Variants in UTP25 observed in about 807,000 individuals in gnomAD.
UTP25 encodes the protein U3 small nucleolar RNA-associated protein 25 homolog.
UTP25 carries 50 observed loss-of-function variants against 78.9 expected under a neutral mutation model. That is an observed-to-expected ratio of 0.63 (90% confidence interval 0.50 to 0.80). The LOEUF (loss-of-function observed/expected upper bound fraction) is 0.80. UTP25 is among the 30% of genes least tolerant of loss of function. UTP25 has a pLI of 0.00. For missense variants in UTP25, 846 were observed against 911.3 expected, an observed-to-expected ratio of 0.93 and a Z score of 0.92; for synonymous variants, 329 against 336.5, an observed-to-expected ratio of 0.98 and a Z score of 0.24.
Position 209,830,683 on chromosome 1 carries a change from A to G in UTP25, c.148-120A>G, listed in dbSNP as rs2078098225. 2.1e-6 allele frequency: 3 copies of G among 1,440,498 alleles called. No homozygotes were observed. In the South Asian group the frequency reaches 4.5e-5, roughly 22 times the overall value. 89.2% of individuals were successfully genotyped at this position (1,440,498 alleles called of 1,614,324 possible). ...GAGCTTCTAGAATCATAGCTAGATT[A>G]GCAATTTTAAGTAAATTTGAATTTG... On this transcript the variant is annotated intron_variant, in intron 2 of 11. Transcript: ENST00000491415.
chr1:209,843,557 T>C lies in UTP25; in HGVS notation c.1888T>C (p.Tyr630His), dbSNP rs957877673. 1.1e-5 allele frequency: 17 copies of C among 1,614,086 alleles called. No individual in the cohort carries two copies. The highest frequency in any genetic ancestry group is 1.4e-5 in the Non-Finnish European group (17 of 1,180,040). Residue 630 changes from tyrosine (Y) to histidine (H), a missense_variant, in exon 11 of 12, where the codon TAC becomes CAC. Tyr to His is a moderately conservative substitution (Grantham distance 83). Transcript: ENST00000491415. ...SYFDFVRLRN[Y>H]FKKEELNFTH... ...CTTTGACTTCGTGCGTCTTCGAAATTACTTCAAGAAGGAGGAATTGAATTT... is the reference window on the plus strand; with the variant it reads ...CTTTGACTTCGTGCGTCTTCGAAATCACTTCAAGAAGGAGGAATTGAATTT...
intron 11 of UTP25, among the ~76,000 whole-genome samples, chr1:209,849,836 C>G (rs1299339196): frequency 6.6e-6 from 1 of 152,224 alleles, no homozygotes; most frequent in Non-Finnish European, 1.5e-5. Context: ...CTCCTGTGCT[C>G]TGCCTAAGGT....
rs560508845 is a variant in UTP25 at position 209,851,328 on chromosome 1, A to G, written c.2152A>G (p.Thr718Ala). Residue 718 changes from threonine to alanine, a missense_variant, in exon 12 of 12, where the codon ACT (threonine) becomes GCT (alanine). Thr to Ala is a moderately conservative substitution (Grantham distance 58, BLOSUM62 0). Transcript: ENST00000491415. ...NRGEEATWTC[T>A]VLYSKYDAQR... is the part of the protein sequence containing the mutation. ...AGGAGAAGAGGCCACGTGGACCTGCACTGTTCTCTACTCCAAATATGATGC... is the reference window on the plus strand; with the variant it reads ...AGGAGAAGAGGCCACGTGGACCTGCGCTGTTCTCTACTCCAAATATGATGC... The G allele has an allele frequency of 6.2e-7, 1 of 1,614,188 alleles. No individual in the cohort carries two copies. The highest frequency in any genetic ancestry group is 8.5e-7 in the Non-Finnish European group (1 of 1,180,028).
Position 209,852,222 on chromosome 1 carries a change from T to C in UTP25, c.*775T>C, listed in dbSNP as rs2078245140. 1 of 152,204 alleles carries C rather than the reference T, an allele frequency of 6.6e-6. No individual in the cohort carries two copies. Among genetic ancestry groups the C allele is most frequent in the African/African-American group, 2.4e-5 (1 of 41,444 alleles). The allele number at this position is 152,204 out of a possible 1,614,324, so 9.4% of individuals were successfully genotyped here. A position where few individuals can be genotyped will look rare whatever the true frequency, so the allele number is the denominator to read the frequency against. Reference sequence around the variant, plus strand: ...AAGGAAATTACACTTTTAAAAACATTTTTATTTTGAAACATTCTCAAACAG... The same window carrying C: ...AAGGAAATTACACTTTTAAAAACATCTTTATTTTGAAACATTCTCAAACAG... On this transcript the variant is annotated 3_prime_UTR_variant, in exon 12 of 12. Transcript: ENST00000491415.
At position 209,851,565 on chromosome 1, in the gene UTP25, C is replaced by T. The variant is rs747969786; in HGVS notation, c.*118C>T. ...ACTGATACAAAGAAAGTGCATGAGG[C>T]AATGTCAGTATTATCTGACATCTTT... On this transcript the variant is annotated 3_prime_UTR_variant, in exon 12 of 12. Coordinates refer to ENST00000491415, the MANE Select transcript of UTP25 (RefSeq NM_014388.7). 1.2e-4 allele frequency: 156 copies of T among 1,304,518 alleles called. No homozygotes were observed. The highest frequency in any genetic ancestry group is 1.6e-4 in the Non-Finnish European group (153 of 962,742). The allele number at this position is 1,304,518 out of a possible 1,614,324, so 80.8% of individuals were successfully genotyped here.
At position 209,854,741 on chromosome 1, in the gene UTP25, G is replaced by A. The variant is rs562453383; in HGVS notation, c.*3294G>A. ...CAAGAGTTGGAAGTTCTTTATAGTT[G>A]TCTGAAGAGCCTCATTGTCCAACTG... is the stretch of plus-strand genomic sequence containing the variant. On this transcript the variant is annotated 3_prime_UTR_variant, in exon 12 of 12. Coordinates refer to ENST00000491415, the MANE Select transcript of UTP25 (RefSeq NM_014388.7). The A allele has an allele frequency of 1.6e-4, 24 of 152,478 alleles. No individual in the cohort carries two copies. The highest frequency in any genetic ancestry group is 5.8e-4 in the African/African-American group (24 of 41,578). The allele number at this position is 152,478 out of a possible 1,614,324, so 9.4% of individuals were successfully genotyped here. A position where few individuals can be genotyped will look rare whatever the true frequency, so the allele number is the denominator to read the frequency against.
chr1:209,854,951 C>T lies in UTP25; in HGVS notation c.*3504C>T, dbSNP rs1334192915. ...TCTCTCAAAGGAGCATGGTAGTGATCTTCATTACCAAATTTCTACTCCACA... is the reference window on the plus strand; with the variant it reads ...TCTCTCAAAGGAGCATGGTAGTGATTTTCATTACCAAATTTCTACTCCACA... On this transcript the variant is annotated 3_prime_UTR_variant, in exon 12 of 12. Coordinates refer to ENST00000491415, the MANE Select transcript of UTP25 (RefSeq NM_014388.7). 1 of 152,170 alleles carries T rather than the reference C, an allele frequency of 6.6e-6. No individual in the cohort carries two copies. Among genetic ancestry groups the T allele is most frequent in the Non-Finnish European group, 1.5e-5 (1 of 68,036 alleles). 9.4% of individuals were successfully genotyped at this position (152,170 alleles called of 1,614,324 possible).
chr1:209,839,242 G>C (rs2078152724), intron 7 of UTP25, 114 bp downstream of exon 7: 1 of 977,442 alleles, frequency 1.0e-6, no homozygotes, highest in Non-Finnish European at 1.5e-6. Flanking sequence ...CTCTTTAACA[G>C]AACCAGTGTG....
At chr1:209,848,280 C>T (rs539131837) in intron 11 of UTP25, among the ~76,000 whole-genome samples, 2 of 152,296 alleles carry the variant, frequency 1.3e-5, no homozygotes, top group South Asian at 4.1e-4. Flanking sequence ...GTACTTTCTA[C>T]CTCATCTCAT....
At chr1:209,848,796 T>C (rs2078212523) in intron 11 of UTP25, among the ~76,000 whole-genome samples, 1 of 152,260 alleles carries the variant, frequency 6.6e-6, no homozygotes, top group Admixed American at 6.5e-5. Context: ...CTTGCTTTTT[T>C]GTGTCTTCTA....
rs571299979 is a variant in UTP25 at position 209,852,879 on chromosome 1, C to T, written c.*1432C>T. 2.2e-4 allele frequency: 34 copies of T among 152,294 alleles called. No homozygotes were observed. The highest frequency in any genetic ancestry group is 1.6e-3 in the Admixed American group (25 of 15,298). 9.4% of individuals were successfully genotyped at this position (152,294 alleles called of 1,614,324 possible). A position where few individuals can be genotyped will look rare whatever the true frequency, so the allele number is the denominator to read the frequency against. On this transcript the variant is annotated 3_prime_UTR_variant, in exon 12 of 12. Coordinates refer to ENST00000491415, the MANE Select transcript of UTP25 (RefSeq NM_014388.7). ...CCATATATTGAAAACCATGAATTCA[C>T]ACCAGTACCTCCAATTCTAGTCCAA...
chr1:209,834,958 G>A (rs1228708431), intron 4 of UTP25, 117 bp from the exon 5 acceptor site: 2 of 744,480 alleles, frequency 2.7e-6, no homozygotes, highest in Non-Finnish European at 4.3e-6. Context: ...GGTGGGGAAA[G>A]TCAATGGAGA....
At chr1:209,847,328 T>G (rs998686408) in intron 11 of UTP25, among the ~76,000 whole-genome samples, 5 of 152,206 alleles carry the variant, frequency 3.3e-5, no homozygotes, top group Non-Finnish European at 7.3e-5. Flanking sequence ...TTACCCCAAA[T>G]TCCACCAGCT....
intron 1 of UTP25, among the ~76,000 whole-genome samples, chr1:209,828,754 C>G (rs138375487): frequency 0.52 from 77,249 of 148,306 alleles, 20,511 homozygotes; most frequent in Middle Eastern, 0.56. Flanking sequence ...TTTGTAGACA[C>G]ACATATATAT....
At chr1:209,843,353 T>G in intron 10 of UTP25, 98 bp from the exon 11 acceptor site, 2 of 1,454,766 alleles carry the variant, frequency 1.4e-6, no homozygotes, top group Non-Finnish European at 1.8e-6. Flanking sequence ...GAGGTAATCT[T>G]TTAACACGAG....
In UTP25 at chr1:209,854,168, G is replaced by C. The variant is rs1031020912; in HGVS notation, c.*2721G>C. On this transcript the variant is annotated 3_prime_UTR_variant, in exon 12 of 12. Coordinates refer to ENST00000491415, the MANE Select transcript of UTP25 (RefSeq NM_014388.7). ...AACAAGGCTCATTTGCAGCAAGCAAGTGCCTATATAGGGTCTGAAATATAG... is the reference window on the plus strand; with the variant it reads ...AACAAGGCTCATTTGCAGCAAGCAACTGCCTATATAGGGTCTGAAATATAG... The C allele has an allele frequency of 2.0e-5, 3 of 152,286 alleles. No homozygotes were observed. Among genetic ancestry groups the C allele is most frequent in the Middle Eastern group, 3.4e-3 (1 of 294 alleles). 9.4% of individuals were successfully genotyped at this position (152,286 alleles called of 1,614,324 possible). A position where few individuals can be genotyped will look rare whatever the true frequency, so the allele number is the denominator to read the frequency against.
Position 209,854,493 on chromosome 1 carries a change from G to A in UTP25, c.*3046G>A, listed in dbSNP as rs2078260246. On this transcript the variant is annotated 3_prime_UTR_variant, in exon 12 of 12. Transcript: ENST00000491415. ...AGCACAGATGGTCCTAGTGGAGATGGGGAATGTGTCCCTGCTGACTCCTCA... is the reference window on the plus strand; with the variant it reads ...AGCACAGATGGTCCTAGTGGAGATGAGGAATGTGTCCCTGCTGACTCCTCA... The A allele has an allele frequency of 6.6e-6, 1 of 152,200 alleles. No individual in the cohort carries two copies. The highest frequency in any genetic ancestry group is 2.4e-5 in the African/African-American group (1 of 41,432). 9.4% of individuals were successfully genotyped at this position (152,200 alleles called of 1,614,324 possible).
In UTP25 at chr1:209,831,069, C is replaced by A. The variant is rs115697500; in HGVS notation, c.388+26C>A. 769 of 1,612,384 alleles carry A rather than the reference C, an allele frequency of 4.8e-4. 4 individuals carry two copies. The African/African-American group carries it at 9.2e-3, about 19-fold the overall frequency. On this transcript the variant is annotated intron_variant, in intron 3 of 11. Transcript: ENST00000491415. ...GTAAGTGTCTTTACTATAGGCTCAT[C>A]ATCTTTGCCAGAACTATAGACAGTT...
rs1323864188 is a variant in UTP25 at position 209,856,933 on chromosome 1, C to T, written c.*5486C>T. On this transcript the variant is annotated 3_prime_UTR_variant, in exon 12 of 12. Transcript: ENST00000491415. ...AAATAATTAGCAAGAGAACAGACTT[C>T]AGCTCTCTGAAGGCTGATGACCACC... 2 of 152,240 alleles carry T rather than the reference C, an allele frequency of 1.3e-5. No individual in the cohort carries two copies. Among genetic ancestry groups the T allele is most frequent in the Admixed American group, 1.3e-4 (2 of 15,284 alleles). 9.4% of individuals were successfully genotyped at this position (152,240 alleles called of 1,614,324 possible).
Sources: gnomAD v4.1 joint callset for allele counts (sites outside exome capture counted in the v4.1 genomes callset) on GRCh38, gnomAD v4.1.1 for gene constraint, MANE v1.5 for transcripts, NCBI Gene and HGNC (gene_info 2026-07-23, HGNC 2026-07-21) for gene names.